POLR1F: variants seen among roughly 807,000 people sequenced by gnomAD.
POLR1F encodes the protein DNA-directed RNA polymerase I subunit RPA43.
POLR1F carries 23 observed loss-of-function variants against 21.8 expected under a neutral mutation model. The ratio of observed to expected loss-of-function variants is 1.05; its 90% CI spans 0.76 to 1.49. POLR1F has a LOEUF of 1.49. POLR1F is among the 40% of genes most tolerant of loss of function. The pLI, the probability that POLR1F is intolerant of heterozygous loss-of-function variation, is 0.00. For synonymous variants in POLR1F, 162 were observed against 152.8 expected (o/e 1.06, Z -0.45); for missense variants, 435 against 412.1 (o/e 1.06, Z -0.48).
At chr7:19,707,855 C>T (rs934041064) in intron 1 of POLR1F, among the ~76,000 whole-genome samples, 1 of 152,132 alleles carries the variant, frequency 6.6e-6, no homozygotes, top group Non-Finnish European at 1.5e-5. Flanking sequence ...TCTGCAGATT[C>T]TAGACATGGG....
chr7:19,698,110 AATGGT>A lies in POLR1F; in HGVS notation c.*201_*205del. ...GAGAGCAGCTTTTTATTTTGTATAA[AATGGT>A]ATTTTAACAATACTGGCTTTCCCCA... On this transcript the variant is annotated 3_prime_UTR_variant, in exon 4 of 4. Coordinates refer to ENST00000222567, the MANE Select transcript of POLR1F (RefSeq NM_001002926.2). 9 of 420,270 alleles carry A rather than the reference AATGGT, an allele frequency of 2.1e-5. No individual in the cohort carries two copies. The East Asian group carries it at 3.3e-4, about 15-fold the overall frequency. 26.0% of individuals were successfully genotyped at this position (420,270 alleles called of 1,614,324 possible). A position where few individuals can be genotyped will look rare whatever the true frequency, so the allele number is the denominator to read the frequency against.
In POLR1F at chr7:19,695,572, A is replaced by G. The variant is rs1178854458; in HGVS notation, c.*2744T>C. ...ATAGATATAGTTAAGGCATAATTCC[A>G]GCCCTCAGGAAACTTATTTGGTCAA... On this transcript the variant is annotated 3_prime_UTR_variant, in exon 4 of 4. Coordinates refer to ENST00000222567, the MANE Select transcript of POLR1F (RefSeq NM_001002926.2). The G allele has an allele frequency of 1.3e-5, 2 of 152,194 alleles. No individual in the cohort carries two copies. The highest frequency in any genetic ancestry group is 4.8e-5 in the African/African-American group (2 of 41,466). The allele number at this position is 152,194 out of a possible 1,614,324, so 9.4% of individuals were successfully genotyped here.
At chr7:19,700,845 C>T (rs1466959808) in intron 2 of POLR1F, among the ~76,000 whole-genome samples, 1 of 152,114 alleles carries the variant, frequency 6.6e-6, no homozygotes, top group African/African-American at 2.4e-5. Context: ...AAATATTGAC[C>T]ATGACTATTT....
rs1221986567 is a variant in POLR1F, at chr7:19,696,735, G to T, written c.*1581C>A. The T allele has an allele frequency of 3.3e-5, 5 of 151,840 alleles. No individual in the cohort carries two copies. The highest frequency in any genetic ancestry group is 9.7e-5 in the African/African-American group (4 of 41,354). The allele number at this position is 151,840 out of a possible 1,614,324, so 9.4% of individuals were successfully genotyped here. A position where few individuals can be genotyped will look rare whatever the true frequency, so the allele number is the denominator to read the frequency against. On this transcript the variant is annotated 3_prime_UTR_variant, in exon 4 of 4. Coordinates refer to ENST00000222567, the MANE Select transcript of POLR1F (RefSeq NM_001002926.2). The stretch of plus-strand genomic sequence containing the variant: ...TTTGCAGAAAAATAAACTGAGAAAG[G>T]CTAAAATTGTTTTATTTAAGCCACT...
intron 2 of POLR1F, among the ~76,000 whole-genome samples, chr7:19,702,233 G>A (rs1688887479): frequency 6.6e-6 from 1 of 152,124 alleles, no homozygotes; most frequent in South Asian, 2.1e-4. Flanking sequence ...AAAGGGGGTG[G>A]TTATATGGGA....
At chr7:19,705,717 CTG>C (rs768539962) in intron 1 of POLR1F, among the ~76,000 whole-genome samples, 10 of 152,312 alleles carry the variant, frequency 6.6e-5, no homozygotes, top group African/African-American at 2.2e-4. Flanking sequence ...ATTTTTCAAA[CTG>C]TTATTTCTTA....
rs1177425551 is a variant in POLR1F at position 19,696,496 on chromosome 7, TAA to T, written c.*1818_*1819del. On this transcript the variant is annotated 3_prime_UTR_variant, in exon 4 of 4. Coordinates refer to ENST00000222567, the MANE Select transcript of POLR1F (RefSeq NM_001002926.2). ...GAAAAGGGGTTTAGAATTGTTTCAC[TAA>T]AAATTAAATTTCTATATTGTCAAAC... The T allele has an allele frequency of 6.6e-6, 1 of 152,092 alleles. No individual in the cohort carries two copies. The highest frequency in any genetic ancestry group is 2.4e-5 in the African/African-American group (1 of 41,442). The allele number at this position is 152,092 out of a possible 1,614,324, so 9.4% of individuals were successfully genotyped here.
Position 19,699,920 on chromosome 7 carries a change from A to G in POLR1F, c.605+152T>C, listed in dbSNP as rs73680650. 4.9e-3 allele frequency: 3,148 copies of G among 643,312 alleles called. 47 individuals are homozygous for G. The highest frequency in any genetic ancestry group is 0.046 in the African/African-American group (2,525 of 54,696). The allele number at this position is 643,312 out of a possible 1,614,324, so 39.9% of individuals were successfully genotyped here. A position where few individuals can be genotyped will look rare whatever the true frequency, so the allele number is the denominator to read the frequency against. ...CAGATTACTTAAGAGTATTGTTTAT[A>G]TTGACTTTATGGTTTGAAAGCATGA... On this transcript the variant is annotated intron_variant, in intron 3 of 3. Transcript: ENST00000222567.
chr7:19,702,255 T>A (rs1783455614), intron 2 of POLR1F, among the ~76,000 whole-genome samples: 1 of 152,154 alleles, frequency 6.6e-6, no homozygotes, highest in African/African-American at 2.4e-5. Context: ...CTCTATACTC[T>A]CCATTCAATT....
At chr7:19,703,801 C>A (rs1264419328) in intron 2 of POLR1F, among the ~76,000 whole-genome samples, 1 of 151,852 alleles carries the variant, frequency 6.6e-6, no homozygotes, top group Admixed American at 6.6e-5. Flanking sequence ...ACTATGTTGC[C>A]CACGTTGGTC....
At chr7:19,708,613 A>G in intron 1 of POLR1F, 150 bp downstream of exon 1, 1 of 1,055,998 alleles carries the variant, frequency 9.5e-7, no homozygotes, top group Non-Finnish European at 1.4e-6. Context: ...ACTGGCCTTG[A>G]GGGACGGATC....
intron 2 of POLR1F, among the ~76,000 whole-genome samples, chr7:19,702,566 T>G (rs539057401): frequency 6.6e-6 from 1 of 152,236 alleles, no homozygotes; most frequent in South Asian, 2.1e-4. Context: ...AAATGATAAA[T>G]TGGACCTCAT....
At chr7:19,707,004 T>A (rs143676097) in intron 1 of POLR1F, among the ~76,000 whole-genome samples, 1 of 152,318 alleles carries the variant, frequency 6.6e-6, no homozygotes, top group African/African-American at 2.4e-5. Flanking sequence ...TCTGCGTGAT[T>A]TCCCCCTCTA....
At chr7:19,702,384 A>G (rs1783457631) in intron 2 of POLR1F, among the ~76,000 whole-genome samples, 1 of 152,200 alleles carries the variant, frequency 6.6e-6, no homozygotes, top group Non-Finnish European at 1.5e-5. Flanking sequence ...GAGAGAGTGG[A>G]TCTCAAGGCC....
At chr7:19,701,360 G>T (rs1056749468) in intron 2 of POLR1F, among the ~76,000 whole-genome samples, 1 of 152,194 alleles carries the variant, frequency 6.6e-6, no homozygotes, top group African/African-American at 2.4e-5. Flanking sequence ...ATCAGTGGTT[G>T]CCAGGGATTA....
chr7:19,698,942 T>G (rs955818032), intron 3 of POLR1F, among the ~76,000 whole-genome samples: 2 of 152,152 alleles, frequency 1.3e-5, no homozygotes, highest in African/African-American at 4.8e-5. Flanking sequence ...AAATGTTAAA[T>G]TTAACATTAA....
At position 19,699,447 on chromosome 7, in the gene POLR1F, C is replaced by G. The variant is rs530810927; in HGVS notation, c.605+625G>C. On this transcript the variant is annotated intron_variant, in intron 3 of 3. Transcript: ENST00000222567. Reference sequence around the variant, plus strand: ...GAGGCTGCTGTACTATGTATATAAACTGTATTTCTGTCATTACAGAAATTG... The same window carrying G: ...GAGGCTGCTGTACTATGTATATAAAGTGTATTTCTGTCATTACAGAAATTG... Among the ~76,000 whole-genome samples the G allele has an allele frequency of 3.4e-4, 52 of 152,284 alleles. 1 individual carries two copies. The highest frequency in any genetic ancestry group is 1.2e-3 in the African/African-American group (51 of 41,572).
chr7:19,707,070 C>A (rs1042765128), intron 1 of POLR1F, among the ~76,000 whole-genome samples: 1 of 152,164 alleles, frequency 6.6e-6, no homozygotes, highest in Non-Finnish European at 1.5e-5. Context: ...GCTTGTGTTT[C>A]CAAATGTTAT....
chr7:19,699,617 G>C (rs1416372615), intron 3 of POLR1F, among the ~76,000 whole-genome samples: 1 of 152,092 alleles, frequency 6.6e-6, no homozygotes, highest in Non-Finnish European at 1.5e-5. Flanking sequence ...CTCAAGATCA[G>C]AGTTAATTCT....
Sources: gnomAD v4.1 joint callset for allele counts (sites outside exome capture counted in the v4.1 genomes callset) on GRCh38, gnomAD v4.1.1 for gene constraint, MANE v1.5 for transcripts, NCBI Gene and HGNC (gene_info 2026-07-23, HGNC 2026-07-21) for gene names.